Variants in SGCZ observed in about 807,000 individuals in gnomAD.
The protein encoded by SGCZ is sarcoglycan zeta, also known as zeta-sarcoglycan.
Under a neutral mutation model 41.3 loss-of-function variants are expected in SGCZ, and 40 were observed. The ratio of observed to expected loss-of-function variants is 0.97; its 90% CI spans 0.75 to 1.26. The LOEUF (loss-of-function observed/expected upper bound fraction) is 1.26, where lower values mean the gene tolerates loss of function less well. Among genes scored for constraint, SGCZ ranks in the 50% most tolerant of loss-of-function variants. The probability of loss-of-function intolerance (pLI) is 0.00; values close to 1 mark genes in which losing one functional copy is unlikely to be tolerated. For synonymous variants in SGCZ, 206 were observed against 137.5 expected (o/e 1.50, Z -3.49); for missense variants, 552 against 369.8 (o/e 1.49, Z -4.04).
rs1282352599 is a variant in SGCZ, at chr8:15,218,335, T to C, written c.39+19250A>G. Among the ~76,000 whole-genome samples the C allele has an allele frequency of 3.3e-5, 5 of 152,160 alleles. No homozygotes were observed. The East Asian group carries it at 9.6e-4, about 29-fold the overall frequency. On this transcript the variant is annotated intron_variant, in intron 1 of 7. Transcript: ENST00000382080. Reference sequence around the variant, plus strand: ...TCAAATACCCAGAACCTGAGACTAGTTTAGCAAAAAAGTAGTTAAACTTGG... The same window carrying C: ...TCAAATACCCAGAACCTGAGACTAGCTTAGCAAAAAAGTAGTTAAACTTGG...
intron 1 of SGCZ, among the ~76,000 whole-genome samples, chr8:15,031,123 A>G (rs949986345): frequency 6.6e-6 from 1 of 152,180 alleles, no homozygotes; most frequent in African/African-American, 2.4e-5. Flanking sequence ...GTTTCATAAA[A>G]CCAATCTGCA....
intron 1 of SGCZ, among the ~76,000 whole-genome samples, chr8:15,087,953 C>G (rs1806009979): frequency 6.6e-6 from 1 of 151,682 alleles, no homozygotes; most frequent in Non-Finnish European, 1.5e-5. Flanking sequence ...ATGTAAAATG[C>G]TATTTTTTAG....
In SGCZ at chr8:14,554,861, T is replaced by G; in HGVS notation, c.105A>C (p.Gln35His). 1 of 1,613,304 alleles carries G rather than the reference T, an allele frequency of 6.2e-7. No homozygotes were observed. Among genetic ancestry groups the G allele is most frequent in the South Asian group, 1.1e-5 (1 of 91,052 alleles). ...ATCCATAAATTCCCACTGGGTAAAG[T>G]TGTGCATTCTCAGTCCTTGGCAGGT... ...QNNLPRTENAQLYPVGIYGWR... is the reference protein window; with the variant it reads ...QNNLPRTENAHLYPVGIYGWR... The change falls in exon 2 of 8, where the codon CAA becomes CAC. Residue 35 changes from glutamine (Q) to histidine (H), a missense_variant. Transcript: ENST00000382080.
At chr8:15,031,333 T>G (rs1219621754) in intron 1 of SGCZ, among the ~76,000 whole-genome samples, 1 of 151,604 alleles carries the variant, frequency 6.6e-6, no homozygotes, top group African/African-American at 2.4e-5. Context: ...AGGTAAAGAG[T>G]GGTGTATTTG....
At chr8:14,690,404 T>A (rs1296196965) in intron 1 of SGCZ, 1 of 152,094 alleles carries the variant, frequency 6.6e-6, no homozygotes, top group Non-Finnish European at 1.5e-5. Flanking sequence ...TTGAAAAAGC[T>A]GCTGAGGGTA....
At chr8:14,288,512 A>T (rs1314771311) in intron 3 of SGCZ, among the ~76,000 whole-genome samples, 1 of 152,128 alleles carries the variant, frequency 6.6e-6, no homozygotes, top group Non-Finnish European at 1.5e-5. Flanking sequence ...TGGATATTTC[A>T]TACAAATGGG....
chr8:14,843,947 A>C (rs1171938032), intron 1 of SGCZ, among the ~76,000 whole-genome samples: 1 of 151,832 alleles, frequency 6.6e-6, no homozygotes, highest in African/African-American at 2.4e-5. Flanking sequence ...AAATTTAGGA[A>C]GGAAAGAAGA....
chr8:14,429,358 C>G (rs1418157360), intron 2 of SGCZ, among the ~76,000 whole-genome samples: 1 of 152,102 alleles, frequency 6.6e-6, no homozygotes, highest in East Asian at 1.9e-4. Context: ...CCTGGGCTAT[C>G]AGCAGAATGT....
At chr8:14,799,331 G>C (rs1409796740) in intron 1 of SGCZ, among the ~76,000 whole-genome samples, 1 of 152,078 alleles carries the variant, frequency 6.6e-6, no homozygotes, top group East Asian at 1.9e-4. Flanking sequence ...GATGCATTTT[G>C]TAAAAATCAA....
At chr8:14,613,781 G>T (rs1382638604) in intron 1 of SGCZ, among the ~76,000 whole-genome samples, 1 of 152,034 alleles carries the variant, frequency 6.6e-6, no homozygotes, top group Non-Finnish European at 1.5e-5. Flanking sequence ...ATTAAACAGG[G>T]GTTTAATGAA....
chr8:14,431,463 G>A (rs547473216), intron 2 of SGCZ, among the ~76,000 whole-genome samples: 1,661 of 113,466 alleles, frequency 0.015, 19 homozygotes, highest in Middle Eastern at 0.034. Flanking sequence ...TCAACAATTA[G>A]TGCTGGGAAA....
chr8:15,080,358 G>A (rs986228934), intron 1 of SGCZ, among the ~76,000 whole-genome samples: 7 of 151,998 alleles, frequency 4.6e-5, no homozygotes, highest in Non-Finnish European at 2.9e-5. Context: ...CATGCACTCA[G>A]CGTCAAAGGA....
chr8:14,929,383 G>A (rs368904326), intron 1 of SGCZ, among the ~76,000 whole-genome samples: 2 of 152,146 alleles, frequency 1.3e-5, no homozygotes, highest in East Asian at 3.9e-4. Flanking sequence ...GAGTAAGGCT[G>A]AATTTTCATA....
chr8:14,287,836 G>A (rs562193594), intron 3 of SGCZ, among the ~76,000 whole-genome samples: 9 of 152,048 alleles, frequency 5.9e-5, no homozygotes, highest in South Asian at 2.1e-4. Flanking sequence ...CAAGTAGCCC[G>A]GCAGCTTTAT....
chr8:15,194,863 T>C (rs905137682), intron 1 of SGCZ, among the ~76,000 whole-genome samples: 1 of 152,184 alleles, frequency 6.6e-6, no homozygotes, highest in Non-Finnish European at 1.5e-5. Flanking sequence ...TAAGGTAAGT[T>C]TGTGTTGTTT....
At chr8:14,945,636 A>G (rs1259359265) in intron 1 of SGCZ, among the ~76,000 whole-genome samples, 1 of 149,990 alleles carries the variant, frequency 6.7e-6, no homozygotes, top group East Asian at 2.0e-4. Flanking sequence ...TTGGCATGTG[A>G]GTTGCCAGAC....
At chr8:14,797,036 G>C (rs1801157079) in intron 1 of SGCZ, among the ~76,000 whole-genome samples, 1 of 152,054 alleles carries the variant, frequency 6.6e-6, no homozygotes, top group African/African-American at 2.4e-5. Flanking sequence ...CCCAGTCTCA[G>C]GTATTTCTTC....
intron 3 of SGCZ, among the ~76,000 whole-genome samples, chr8:14,249,232 T>A (rs551824902): frequency 6.6e-6 from 1 of 152,114 alleles, no homozygotes; most frequent in Non-Finnish European, 1.5e-5. Flanking sequence ...AGCTGGGACA[T>A]GAGTCTTCTC....
In SGCZ at chr8:14,087,414, G is replaced by T. The variant is rs1042955368; in HGVS notation, c.*3029C>A. ...CCAAACCTGAATTCAGATACATCTC[G>T]GTTTATCCATTCCTGGCAAATAACT... On this transcript the variant is annotated 3_prime_UTR_variant, in exon 8 of 8. Transcript: ENST00000382080. Among the ~76,000 whole-genome samples, 1 of 151,186 alleles carries T rather than the reference G, an allele frequency of 6.6e-6. No individual in the cohort carries two copies. Among genetic ancestry groups the T allele is most frequent in the African/African-American group, 2.4e-5 (1 of 41,216 alleles).
Sources: gnomAD v4.1 joint callset for allele counts (sites outside exome capture counted in the v4.1 genomes callset) on GRCh38, gnomAD v4.1.1 for gene constraint, MANE v1.5 for transcripts, NCBI Gene and HGNC (gene_info 2026-07-23, HGNC 2026-07-21) for gene names.